Variants in FLRT2 observed in about 807,000 individuals in gnomAD.
FLRT2 encodes fibronectin leucine rich transmembrane protein 2.
Under a neutral mutation model 40.0 loss-of-function variants are expected in FLRT2, and 15 were observed. The ratio of observed to expected loss-of-function variants is 0.38; its 90% confidence interval spans 0.25 to 0.58. The LOEUF (loss-of-function observed/expected upper bound fraction) is 0.58. Among genes scored for constraint, FLRT2 ranks in the 20% least tolerant of loss-of-function variants. FLRT2 has a pLI of 0.71. For synonymous variants in FLRT2, 380 were observed against 336.8 expected (o/e 1.13, Z -1.41); for missense variants, 726 against 840.0 (o/e 0.86, Z 1.68).
At chr14:85,563,523 C>T (rs1393595798) in intron 1 of FLRT2, among the ~76,000 whole-genome samples, 10 of 152,244 alleles carry the variant, frequency 6.6e-5, no homozygotes, top group Middle Eastern at 3.4e-3. Flanking sequence ...GGGAAGCAGG[C>T]ACCTTCTTCA....
rs189056553 is a variant in FLRT2, at chr14:85,604,572, G to A, written c.-376-16567G>A. On this transcript the variant is annotated intron_variant, in intron 1 of 1. Transcript: ENST00000330753. ...ATTGCTCTGGGTGAAGAAATTGAGA[G>A]AGAGTTGGAAAACTCCACCAAGAAA... 2.6e-3 allele frequency among the ~76,000 whole-genome samples: 394 copies of A among 151,826 alleles called. 5 individuals carry two copies. Among genetic ancestry groups the A allele is most frequent in the Middle Eastern group, 0.017 (5 of 294 alleles).
chr14:85,614,695 C>T (rs1330409420), intron 1 of FLRT2, among the ~76,000 whole-genome samples: 1 of 143,540 alleles, frequency 7.0e-6, no homozygotes, highest in Non-Finnish European at 1.5e-5. Context: ...GCCCAGAAAC[C>T]TTCATTTCTC....
At chr14:85,556,556 A>G (rs1264993399) in intron 1 of FLRT2, among the ~76,000 whole-genome samples, 1 of 152,186 alleles carries the variant, frequency 6.6e-6, no homozygotes, top group African/African-American at 2.4e-5. Context: ...GAAAATGGCT[A>G]AGCTGGTTGT....
chr14:85,573,177 A>C (rs79903983), intron 1 of FLRT2, among the ~76,000 whole-genome samples: 7,065 of 152,036 alleles, frequency 0.046, 440 homozygotes, highest in African/African-American at 0.14. Flanking sequence ...GTGGCAAGTT[A>C]TTTTAAAAAG....
At position 85,636,390 on chromosome 14, in the gene FLRT2, G is replaced by GAAAAAAAAAAAAAA. The variant is rs35764416; in HGVS notation, c.*12898_*12911dup. On this transcript the variant is annotated 3_prime_UTR_variant, in exon 2 of 2. Coordinates refer to ENST00000330753, the MANE Select transcript of FLRT2 (RefSeq NM_013231.6). ...AAAATCAAAGGTGAAGTCACCTGCA[G>GAAAAAAAAAAAAAA]AAAAAAAAAAAAAAAAAACAAAAAA... The GAAAAAAAAAAAAAA allele has an allele frequency of 1.3e-5, 1 of 75,318 alleles. No individual in the cohort carries two copies. The highest frequency in any genetic ancestry group is 2.4e-5 in the Non-Finnish European group (1 of 41,150). The allele number at this position is 75,318 out of a possible 1,614,324, so 4.7% of individuals were successfully genotyped here.
At chr14:85,533,132 A>G (rs1168812965) in intron 1 of FLRT2, among the ~76,000 whole-genome samples, 1 of 152,122 alleles carries the variant, frequency 6.6e-6, no homozygotes, top group Non-Finnish European at 1.5e-5. Flanking sequence ...GAAAAGTAGG[A>G]GGGACTCCGG....
chr14:85,582,113 GA>G (rs1891413524), intron 1 of FLRT2, among the ~76,000 whole-genome samples: 1 of 152,186 alleles, frequency 6.6e-6, no homozygotes, highest in Non-Finnish European at 1.5e-5. Flanking sequence ...ATAGGAGGTT[GA>G]ATCCATATGT....
chr14:85,643,551 C>T lies in FLRT2; in HGVS notation c.*20054C>T, dbSNP rs1429178059. On this transcript the variant is annotated 3_prime_UTR_variant, in exon 2 of 2. Coordinates refer to ENST00000330753, the MANE Select transcript of FLRT2 (RefSeq NM_013231.6). ...GGGACTACAGGCGTGCACCACCACACCTGACTAATTTTTGTGTTTTTAGTA... is the reference window on the plus strand; with the variant it reads ...GGGACTACAGGCGTGCACCACCACATCTGACTAATTTTTGTGTTTTTAGTA... 1 of 151,902 alleles carries T rather than the reference C, an allele frequency of 6.6e-6. No individual in the cohort carries two copies. Among genetic ancestry groups the T allele is most frequent in the Non-Finnish European group, 1.5e-5 (1 of 68,108 alleles). The allele number at this position is 151,902 out of a possible 1,614,324, so 9.4% of individuals were successfully genotyped here. A position where few individuals can be genotyped will look rare whatever the true frequency, so the allele number is the denominator to read the frequency against.
chr14:85,607,520 T>A (rs951231633), intron 1 of FLRT2, among the ~76,000 whole-genome samples: 2 of 152,192 alleles, frequency 1.3e-5, no homozygotes, highest in Admixed American at 1.3e-4. Context: ...AGGGGTGGGA[T>A]CACAGCACCA....
In FLRT2 at chr14:85,530,322, G is replaced by A. The variant is rs1365164677; in HGVS notation, c.-589G>A. ...CGTCCCTGGTGCCCAGCAGCGGCGA[G>A]GCGGCATCTCCGCTCCCGCCGCCGT... is the stretch of plus-strand genomic sequence containing the variant. On this transcript the variant is annotated 5_prime_UTR_variant, in exon 1 of 2. Coordinates refer to ENST00000330753, the MANE Select transcript of FLRT2 (RefSeq NM_013231.6). The A allele has an allele frequency of 6.5e-6, 1 of 152,688 alleles. No individual in the cohort carries two copies. The highest frequency in any genetic ancestry group is 1.5e-5 in the Non-Finnish European group (1 of 68,106). 9.5% of individuals were successfully genotyped at this position (152,688 alleles called of 1,614,324 possible). A position where few individuals can be genotyped will look rare whatever the true frequency, so the allele number is the denominator to read the frequency against.
chr14:85,555,755 C>T (rs1889920362), intron 1 of FLRT2, among the ~76,000 whole-genome samples: 1 of 123,826 alleles, frequency 8.1e-6, no homozygotes, highest in Admixed American at 8.7e-5. Flanking sequence ...GAGGTCTCAC[C>T]CTGTGGCCCA....
Position 85,647,071 on chromosome 14 carries a change from G to T in FLRT2, c.*23574G>T, listed in dbSNP as rs1246539568. ...ACAAAGTGCATATCTGCTCAAGATGGATGTCACTAATGTGCAACTGATCCA... is the reference window on the plus strand; with the variant it reads ...ACAAAGTGCATATCTGCTCAAGATGTATGTCACTAATGTGCAACTGATCCA... On this transcript the variant is annotated 3_prime_UTR_variant, in exon 2 of 2. Coordinates refer to ENST00000330753, the MANE Select transcript of FLRT2 (RefSeq NM_013231.6). The T allele has an allele frequency of 1.3e-5, 2 of 152,138 alleles. No individual in the cohort carries two copies. The highest frequency in any genetic ancestry group is 4.8e-5 in the African/African-American group (2 of 41,426). The allele number at this position is 152,138 out of a possible 1,614,324, so 9.4% of individuals were successfully genotyped here.
chr14:85,552,869 G>T (rs1043433652), intron 1 of FLRT2: 2 of 152,086 alleles, frequency 1.3e-5, no homozygotes, highest in Non-Finnish European at 2.9e-5. Flanking sequence ...TGTTGCTCAT[G>T]TATCTGATGC....
At chr14:85,536,576 G>A (rs1888672495) in intron 1 of FLRT2, among the ~76,000 whole-genome samples, 1 of 150,526 alleles carries the variant, frequency 6.6e-6, no homozygotes, top group Non-Finnish European at 1.5e-5. Context: ...TGTGATTTCT[G>A]CTACAGTGAT....
intron 1 of FLRT2, among the ~76,000 whole-genome samples, chr14:85,620,888 T>C (rs969542988): frequency 5.3e-5 from 8 of 152,264 alleles, no homozygotes; most frequent in African/African-American, 1.9e-4. Context: ...CTGATTAGGA[T>C]GTTAAATTCA....
chr14:85,638,271 T>C lies in FLRT2; in HGVS notation c.*14774T>C, dbSNP rs1260484078. On this transcript the variant is annotated 3_prime_UTR_variant, in exon 2 of 2. Coordinates refer to ENST00000330753, the MANE Select transcript of FLRT2 (RefSeq NM_013231.6). ...TGGTTCTATTGGCAGAGATCCTTGCTGTTAGCCTCTTGCCTTTCGCCCAGG... is the reference window on the plus strand; with the variant it reads ...TGGTTCTATTGGCAGAGATCCTTGCCGTTAGCCTCTTGCCTTTCGCCCAGG... The C allele has an allele frequency of 6.6e-6, 1 of 152,252 alleles. No individual in the cohort carries two copies. Among genetic ancestry groups the C allele is most frequent in the Non-Finnish European group, 1.5e-5 (1 of 68,090 alleles). The allele number at this position is 152,252 out of a possible 1,614,324, so 9.4% of individuals were successfully genotyped here. A position where few individuals can be genotyped will look rare whatever the true frequency, so the allele number is the denominator to read the frequency against.
In FLRT2 at chr14:85,583,726, C is replaced by A. The variant is rs117838208; in HGVS notation, c.-376-37413C>A. 5.4e-3 allele frequency among the ~76,000 whole-genome samples: 821 copies of A among 152,014 alleles called. 9 individuals carry two copies. In the East Asian group the frequency reaches 0.06, roughly 11 times the overall value. On this transcript the variant is annotated intron_variant, in intron 1 of 1. Coordinates refer to ENST00000330753, the MANE Select transcript of FLRT2 (RefSeq NM_013231.6). ...GAGTGCTGCATGTTGATTGCCATGC[C>A]CTAGAAAGAGCAGAGGCAGAAGCCT...
intron 1 of FLRT2, among the ~76,000 whole-genome samples, chr14:85,555,129 C>T (rs765419364): frequency 7.9e-5 from 12 of 152,126 alleles, no homozygotes; most frequent in African/African-American, 1.7e-4. Context: ...CATACTAAAG[C>T]TTAGTTTCTT....
chr14:85,579,117 C>G (rs984920330), intron 1 of FLRT2, among the ~76,000 whole-genome samples: 5 of 152,104 alleles, frequency 3.3e-5, no homozygotes, highest in Non-Finnish European at 5.9e-5. Context: ...TCTGCCAGCC[C>G]TGTTGGACTT....
Sources: allele counts gnomAD v4.1 joint callset (sites outside exome capture counted in the v4.1 genomes callset), GRCh38; gene constraint gnomAD v4.1.1; transcripts MANE v1.5; gene names NCBI Gene and HGNC (gene_info 2026-07-23, HGNC 2026-07-21).